CUL2: variants seen among roughly 807,000 people sequenced by gnomAD.
CUL2 encodes the protein cullin 2, also known as cullin-2.
Under a neutral mutation model 110.2 loss-of-function variants are expected in CUL2, and 22 were observed. That is an observed-to-expected ratio of 0.20 (90% CI 0.14 to 0.28). The LOEUF (loss-of-function observed/expected upper bound fraction) is 0.28, where lower values mean the gene tolerates loss of function less well. CUL2 is among the 10% of genes least tolerant of loss of function. The pLI is 1.00. For missense variants in CUL2, 631 were observed against 905.5 expected (o/e 0.70, Z 3.89); for synonymous variants, 279 against 293.2 (o/e 0.95, Z 0.49).
rs1358576456 is a variant in CUL2, at chr10:35,104,464, C to G, written c.-50-3404G>C. On this transcript the variant is annotated intron_variant, in intron 1 of 5. Coordinates refer to the CUL2 transcript ENST00000685421. ...ATTACTCTTCCCATTAAGGTTAACC[C>G]CTTGACTTCCTGGTCTCCTTCCCTT... Among the ~76,000 whole-genome samples, 3 of 152,016 alleles carry G rather than the reference C, an allele frequency of 2.0e-5. 1 individual carries two copies. The highest frequency in any genetic ancestry group is 7.3e-5 in the African/African-American group (3 of 41,374).
chr10:35,103,316 T>TA (rs1156571686), intron 1 of CUL2, among the ~76,000 whole-genome samples: 45 of 106,918 alleles, frequency 4.2e-4, no homozygotes, highest in African/African-American at 1.5e-3. Context: ...TAATTTTTTT[T>TA]TTTTTTTTTT....
intron 14 of CUL2, among the ~76,000 whole-genome samples, chr10:35,030,803 G>A (rs2085462252): frequency 7.0e-6 from 1 of 143,084 alleles, no homozygotes; most frequent in Non-Finnish European, 1.6e-5. Flanking sequence ...TGAGGCGGGA[G>A]GATCGCTTGA....
chr10:35,052,945 CT>C (rs952569276), intron 5 of CUL2, among the ~76,000 whole-genome samples: 31 of 151,196 alleles, frequency 2.1e-4, no homozygotes, highest in Admixed American at 7.3e-4. Flanking sequence ...AAAAATTATT[CT>C]GTATCTCTAC....
At chr10:35,060,619 C>T (rs1168656234) in intron 4 of CUL2, among the ~76,000 whole-genome samples, 2 of 152,196 alleles carry the variant, frequency 1.3e-5, no homozygotes, top group Non-Finnish European at 2.9e-5. Context: ...AGGTTGTAAA[C>T]AATCAGAAGA....
intron 1 of CUL2, among the ~76,000 whole-genome samples, chr10:35,117,394 C>T (rs2087621844): frequency 6.6e-6 from 1 of 152,090 alleles, no homozygotes. Context: ...GCCACCATGC[C>T]TGGCATTTTA....
At chr10:35,040,851 G>C (rs1300275320) in intron 8 of CUL2, among the ~76,000 whole-genome samples, 4 of 152,184 alleles carry the variant, frequency 2.6e-5, no homozygotes, top group African/African-American at 9.7e-5. Flanking sequence ...GTTCACAATG[G>C]AGTTTGCGCT....
chr10:35,062,263 T>C (rs527632101), intron 3 of CUL2, among the ~76,000 whole-genome samples: 1 of 152,306 alleles, frequency 6.6e-6, no homozygotes, highest in South Asian at 2.1e-4. Context: ...AGAGACAGCT[T>C]CTATCACCAT....
chr10:35,039,050 T>C lies in CUL2; in HGVS notation c.747A>G (p.Arg249=). ...VLGRLKDEEI[R]CRKYLHPSSY... ...AACTTGGATGTAGGTATTTTCGACA[T>C]CGAATTTCTTCATCTTTTAATCTAC... Residue 249 remains arginine (R), a synonymous_variant, in exon 9 of 21, where the codon CGA becomes CGG. Coordinates refer to ENST00000374749, the MANE Select transcript of CUL2 (RefSeq NM_003591.4). The C allele has an allele frequency of 1.2e-6, 2 of 1,604,218 alleles. No individual in the cohort carries two copies. The highest frequency in any genetic ancestry group is 1.7e-6 in the Non-Finnish European group (2 of 1,174,760).
chr10:35,025,218 A>AC lies in CUL2; in HGVS notation c.1618-21dup, dbSNP rs200961602. 120 of 1,480,272 alleles carry AC rather than the reference A, an allele frequency of 8.1e-5. No individual in the cohort carries two copies. The highest frequency in any genetic ancestry group is 1.3e-4 in the African/African-American group (8 of 63,230). The allele number at this position is 1,480,272 out of a possible 1,614,324, so 91.7% of individuals were successfully genotyped here. The stretch of plus-strand genomic sequence containing the variant: ...TTCAAACTGTAAAAAAAAAAAAAAA[A>AC]CACACATTATTTTTAGCTACTATAA... On this transcript the variant is annotated intron_variant, in intron 16 of 20. Coordinates refer to ENST00000374749, the MANE Select transcript of CUL2 (RefSeq NM_003591.4).
chr10:35,114,855 T>C (rs2087572856), intron 1 of CUL2, among the ~76,000 whole-genome samples: 1 of 151,836 alleles, frequency 6.6e-6, no homozygotes, highest in Non-Finnish European at 1.5e-5. Context: ...AATTTAAAGA[T>C]CAGATGCTGC....
chr10:35,019,847 A>T (rs1310772313), intron 17 of CUL2, among the ~76,000 whole-genome samples: 1 of 152,172 alleles, frequency 6.6e-6, no homozygotes, highest in Non-Finnish European at 1.5e-5. Context: ...TCATCAGTGG[A>T]GGCTAAAACT....
chr10:35,014,469 G>T (rs2084978222), intron 18 of CUL2, among the ~76,000 whole-genome samples: 1 of 152,148 alleles, frequency 6.6e-6, no homozygotes, highest in Non-Finnish European at 1.5e-5. Context: ...AGAATCAAAA[G>T]GCACTTGGAA....
intron 2 of CUL2, among the ~76,000 whole-genome samples, chr10:35,067,959 AATT>A (rs1249041715): frequency 2.0e-5 from 3 of 151,618 alleles, no homozygotes; most frequent in Non-Finnish European, 4.4e-5. Flanking sequence ...AATACAAAAA[AATT>A]AGCCGGGCAT....
chr10:35,047,496 G>A (rs2085974165), intron 6 of CUL2, among the ~76,000 whole-genome samples: 1 of 151,228 alleles, frequency 6.6e-6, no homozygotes, highest in Non-Finnish European at 1.5e-5. Context: ...TGTAGTCCCA[G>A]CTACTCGGGA....
chr10:35,057,510 A>C (rs2086267712), intron 4 of CUL2, among the ~76,000 whole-genome samples: 1 of 151,650 alleles, frequency 6.6e-6, no homozygotes, highest in Non-Finnish European at 1.5e-5. Flanking sequence ...AAAATTAGCC[A>C]GGCATGGTGG....
At chr10:35,024,698 C>CA in intron 17 of CUL2, among the ~76,000 whole-genome samples, 1 of 152,238 alleles carries the variant, frequency 6.6e-6, no homozygotes, top group African/African-American at 2.4e-5. Flanking sequence ...GGACTTTCTG[C>CA]AAAAAGCTTT....
chr10:35,051,974 G>A (rs1014201339), intron 5 of CUL2, among the ~76,000 whole-genome samples: 2 of 152,088 alleles, frequency 1.3e-5, no homozygotes, highest in Admixed American at 1.3e-4. Context: ...TAAGGTAATA[G>A]GCATATGTGT....
At chr10:35,095,970 TG>T (rs1242228966) in intron 2 of CUL2, among the ~76,000 whole-genome samples, 50 of 152,270 alleles carry the variant, frequency 3.3e-4, no homozygotes, top group African/African-American at 1.1e-3. Flanking sequence ...ATTTTGAGGC[TG>T]GGCGTGATGG....
intron 1 of CUL2, among the ~76,000 whole-genome samples, chr10:35,086,367 A>T (rs997953595): frequency 6.6e-6 from 1 of 152,006 alleles, no homozygotes; most frequent in Admixed American, 6.6e-5. Flanking sequence ...GGCTCACTGC[A>T]GCCTCCACCT....
Sources: allele counts gnomAD v4.1 joint callset (sites outside exome capture counted in the v4.1 genomes callset), GRCh38; gene constraint gnomAD v4.1.1; transcripts MANE v1.5; gene names NCBI Gene and HGNC (gene_info 2026-07-23, HGNC 2026-07-21).